CTBP1: variants seen among roughly 807,000 people sequenced by gnomAD.
The protein encoded by CTBP1 is C-terminal binding protein 1.
Under a neutral mutation model 42.1 loss-of-function variants are expected in CTBP1, and 11 were observed. That is an observed-to-expected ratio of 0.26 (90% CI 0.16 to 0.43). The LOEUF (loss-of-function observed/expected upper bound fraction) is 0.43, where lower values mean the gene tolerates loss of function less well. Among genes scored for constraint, CTBP1 ranks in the 20% least tolerant of loss-of-function variants. CTBP1 has a pLI of 1.00. For missense variants in CTBP1, 399 were observed against 624.3 expected (o/e 0.64, Z 3.85); for synonymous variants, 324 against 277.1 (o/e 1.17, Z -1.68).
At chr4:1,246,542 G>C (rs571815210) in intron 1 of CTBP1, among the ~76,000 whole-genome samples, 2 of 152,242 alleles carry the variant, frequency 1.3e-5, no homozygotes, top group African/African-American at 4.8e-5. Context: ...CCAGGGCACA[G>C]CCGGGCACAA....
rs753104907 is a variant in CTBP1, at chr4:1,238,147, C to A, written c.162+36G>T. 6.2e-6 allele frequency: 10 copies of A among 1,611,920 alleles called. No homozygotes were observed. Among genetic ancestry groups the A allele is most frequent in the African/African-American group, 4.0e-5 (3 of 74,940 alleles). Reference sequence around the variant, plus strand: ...CGTCCCTCCAACTCCCCCCAACGTGCGGTTCTGCCAGCCCCAGGCGACCAC... The same window carrying A: ...CGTCCCTCCAACTCCCCCCAACGTGAGGTTCTGCCAGCCCCAGGCGACCAC... On this transcript the variant is annotated intron_variant, in intron 3 of 9. Transcript: ENST00000382952. This position sits in a 1 kb window ranked among gnomAD's most constrained non-coding sequence, Gnocchi z 5.9.
At position 1,237,046 on chromosome 4, in the gene CTBP1, C is replaced by G. The variant is rs1039812603; in HGVS notation, c.162+1137G>C. The G allele has an allele frequency of 4.5e-6, 3 of 669,110 alleles. No individual in the cohort carries two copies. The South Asian group carries it at 4.8e-5, about 11-fold the overall frequency. The allele number at this position is 669,110 out of a possible 1,614,324, so 41.4% of individuals were successfully genotyped here. ...CCAGTGTCCACCTCCTGATGGCGCT[C>G]AGGACAAACCGAGTGTGGGGCTCAG... On this transcript the variant is annotated intron_variant, in intron 3 of 9. Transcript: ENST00000382952.
upstream of CTBP1, chr4:1,249,784 CT>C (rs1291259578): frequency 7.0e-6 from 2 of 285,976 alleles, no homozygotes; most frequent in Non-Finnish European, 1.5e-5. Flanking sequence ...TGGAGAACCC[CT>C]TCCCCGACCC....
intron 3 of CTBP1, chr4:1,236,344 C>A: frequency 2.3e-6 from 1 of 436,926 alleles, no homozygotes; most frequent in Non-Finnish European, 4.1e-6. Context: ...AGGAAAGCTG[C>A]CCAAAGGCTG....
At chr4:1,223,448 A>C (rs1164437435) in intron 5 of CTBP1, 1 of 456,044 alleles carries the variant, frequency 2.2e-6, no homozygotes, top group Non-Finnish European at 4.4e-6. Context: ...CACCGAGACC[A>C]CCCGAAACGT....
At chr4:1,243,516 A>G in intron 1 of CTBP1, 1 of 985,378 alleles carries the variant, frequency 1.0e-6, no homozygotes, top group Non-Finnish European at 1.2e-6. Context: ...CCTCTGTCTC[A>G]GAAACAGCCC....
chr4:1,221,167 G>A (rs955536675), intron 5 of CTBP1, among the ~76,000 whole-genome samples: 5 of 152,246 alleles, frequency 3.3e-5, no homozygotes, highest in Admixed American at 1.3e-4. Context: ...AAAGACGGCC[G>A]GAGGTGCTCC....
intron 5 of CTBP1, among the ~76,000 whole-genome samples, chr4:1,223,812 C>T (rs2108743786): frequency 6.6e-6 from 1 of 152,326 alleles, no homozygotes; most frequent in Non-Finnish European, 1.5e-5. Flanking sequence ...GGATCTCACA[C>T]ACGCACACAC....
At position 1,235,310 on chromosome 4, in the gene CTBP1, AG is replaced by A. The variant is rs1310043214; in HGVS notation, c.162+2872del. On this transcript the variant is annotated intron_variant, in intron 3 of 9. Coordinates refer to ENST00000382952, the MANE Select transcript of CTBP1 (RefSeq NM_001012614.2). This position sits in a 1 kb window ranked among gnomAD's most constrained non-coding sequence, Gnocchi z 4.2. ...CATCTACCCGTGTGAGAAACCATGA[AG>A]AATCTTCCAGAGCGAACGCCCCAGC... 6.6e-6 allele frequency: 1 copy of A among 152,198 alleles called. No individual in the cohort carries two copies. Among genetic ancestry groups the A allele is most frequent in the Non-Finnish European group, 1.5e-5 (1 of 68,044 alleles). The allele number at this position is 152,198 out of a possible 1,614,324, so 9.4% of individuals were successfully genotyped here.
At chr4:1,222,441 C>A (rs1297453099) in intron 5 of CTBP1, among the ~76,000 whole-genome samples, 3 of 152,118 alleles carry the variant, frequency 2.0e-5, no homozygotes, top group Non-Finnish European at 2.9e-5. Flanking sequence ...GAAGCAGCTG[C>A]CCCCCAGCAG....
chr4:1,214,732 G>A (rs1273476083), intron 6 of CTBP1, among the ~76,000 whole-genome samples: 2 of 152,208 alleles, frequency 1.3e-5, no homozygotes, highest in Non-Finnish European at 2.9e-5. Context: ...TCCTGCCCAA[G>A]CCCTGAGCTG....
chr4:1,243,260 A>G, intron 1 of CTBP1: 3 of 985,404 alleles, frequency 3.0e-6, no homozygotes, highest in Non-Finnish European at 3.6e-6. Flanking sequence ...TGTGTCTCTG[A>G]GGAAGAAGCA....
chr4:1,236,728 G>C, intron 3 of CTBP1: 2 of 685,098 alleles, frequency 2.9e-6, no homozygotes, highest in Non-Finnish European at 5.3e-6. Context: ...TCCTGATGGG[G>C]CACAGGGCAA....
In CTBP1 at chr4:1,228,220, T is replaced by C. The variant is rs1013197831; in HGVS notation, c.286A>G (p.Ile96Val). 3 of 1,614,020 alleles carry C rather than the reference T, an allele frequency of 1.9e-6. No homozygotes were observed. Among genetic ancestry groups the C allele is most frequent in the African/African-American group, 2.7e-5 (2 of 74,926 alleles). ...CTACCTAAATCCCCGGCCGACTTGA[T>C]GTCGATGTTGTCAAAACCACTGCCA... The part of the protein sequence containing the change: ...RIGSGFDNID[I>V]KSAGDLGIAV... Residue 96 changes from isoleucine (I) to valine (V), a missense_variant, in exon 4 of 10, where the codon ATC (isoleucine) becomes GTC (valine). Coordinates refer to ENST00000382952, the MANE Select transcript of CTBP1 (RefSeq NM_001012614.2).
chr4:1,250,250 AC>A (rs1239558261), upstream of CTBP1: 1 of 205,092 alleles, frequency 4.9e-6, no homozygotes, highest in Non-Finnish European at 1.0e-5. Flanking sequence ...AAGACCTCCA[AC>A]CCCGCTGACA....
chr4:1,222,120 G>C (rs1480866173), intron 5 of CTBP1, among the ~76,000 whole-genome samples: 1 of 152,194 alleles, frequency 6.6e-6, no homozygotes, highest in Non-Finnish European at 1.5e-5. Flanking sequence ...GGGAGAGCCT[G>C]AGTGGCTGGT....
At chr4:1,228,709 G>A (rs1448729282) in intron 3 of CTBP1, among the ~76,000 whole-genome samples, 2 of 70,528 alleles carry the variant, frequency 2.8e-5, no homozygotes, top group Non-Finnish European at 4.0e-5. Flanking sequence ...CCCGCCTGGC[G>A]AGGACACAGG....
At chr4:1,232,555 A>G (rs1194654133) in intron 3 of CTBP1, among the ~76,000 whole-genome samples, 1 of 151,686 alleles carries the variant, frequency 6.6e-6, no homozygotes, top group African/African-American at 2.4e-5. Flanking sequence ...CAAGTGATCC[A>G]CCCGCCTCAG....
At chr4:1,212,721 C>G (rs1019674631) in intron 9 of CTBP1, 192 bp downstream of exon 9, 5 of 633,090 alleles carry the variant, frequency 7.9e-6, no homozygotes, top group African/African-American at 7.3e-5. Context: ...CTGAAGGCCA[C>G]CCCAGCCCAG....
Sources: allele counts gnomAD v4.1 joint callset (sites outside exome capture counted in the v4.1 genomes callset), GRCh38; gene constraint gnomAD v4.1.1; non-coding constraint Gnocchi (gnomAD v3.1); transcripts MANE v1.5; gene names NCBI Gene and HGNC (gene_info 2026-07-23, HGNC 2026-07-21).